CAMSAP2: variants seen among roughly 807,000 people sequenced by gnomAD.
The protein encoded by CAMSAP2 is calmodulin regulated spectrin associated protein family member 2, also known as calmodulin-regulated spectrin-associated protein 2.
A neutral mutation model predicts 146.1 loss-of-function variants in CAMSAP2; 26 were observed. The observed-to-expected ratio is 0.18, with a 90% confidence interval of 0.13 to 0.25. The LOEUF (loss-of-function observed/expected upper bound fraction) is 0.25, where lower values mean the gene tolerates loss of function less well. Among genes scored for constraint, CAMSAP2 ranks in the 10% least tolerant of loss-of-function variants. The pLI is 1.00. For missense variants in CAMSAP2, 1,381 were observed against 1,759.3 expected (o/e 0.78, Z 3.85); for synonymous variants, 499 against 596.6 (o/e 0.84, Z 2.38).
chr1:200,824,304 T>C (rs1256581554), intron 4 of CAMSAP2, among the ~76,000 whole-genome samples: 1 of 152,058 alleles, frequency 6.6e-6, no homozygotes, highest in South Asian at 2.1e-4. Context: ...CATTTTGTAG[T>C]TTCCTTGCCA....
At chr1:200,781,840 A>T (rs950014862) in intron 2 of CAMSAP2, among the ~76,000 whole-genome samples, 4 of 152,126 alleles carry the variant, frequency 2.6e-5, no homozygotes, top group Admixed American at 6.6e-5. Flanking sequence ...CACTGCCTGT[A>T]ATCTCATGAT....
At chr1:200,811,331 TGA>T (rs1473752017) in intron 3 of CAMSAP2, among the ~76,000 whole-genome samples, 1 of 152,138 alleles carries the variant, frequency 6.6e-6, no homozygotes, top group Non-Finnish European at 1.5e-5. Flanking sequence ...AGCCAAGAGT[TGA>T]GGGAAGTTTA....
chr1:200,849,371 T>G lies in CAMSAP2; in HGVS notation c.2602T>G (p.Ser868Ala). 1 of 1,614,018 alleles carries G rather than the reference T, an allele frequency of 6.2e-7. No individual in the cohort carries two copies. Among genetic ancestry groups the G allele is most frequent in the African/African-American group, 1.3e-5 (1 of 74,988 alleles). Residue 868 changes from serine to alanine, a missense_variant, in exon 11 of 17, where the codon TCA (serine) becomes GCA (alanine). Ser to Ala is a moderately conservative substitution (Grantham distance 99, BLOSUM62 1). This residue lies in a region of CAMSAP2 where 560 missense variants were observed against 715.9 expected (regional missense o/e 0.78). Transcript: ENST00000358823. The surrounding 1 kb of genome is among the most constrained non-coding windows in gnomAD (Gnocchi z 6.3). ...GAAGCAGTGGAACCTGGCAAGCCCCTCAGAAGAAACTTTAAATGAAGGAGA... is the reference window on the plus strand; with the variant it reads ...GAAGCAGTGGAACCTGGCAAGCCCCGCAGAAGAAACTTTAAATGAAGGAGA... ...PEKQWNLASP[S>A]EETLNEGEIL...
intron 2 of CAMSAP2, among the ~76,000 whole-genome samples, chr1:200,797,622 G>T (rs1665922045): frequency 1.1e-5 from 1 of 92,008 alleles, no homozygotes; most frequent in Non-Finnish European, 2.2e-5. Flanking sequence ...TTTGTAGGTT[G>T]CCTGTTCACT....
chr1:200,777,351 T>A (rs910898419), intron 2 of CAMSAP2, among the ~76,000 whole-genome samples: 12 of 152,212 alleles, frequency 7.9e-5, no homozygotes, highest in Non-Finnish European at 1.8e-4. Flanking sequence ...TTAGACTTTT[T>A]CATTTTTTGT....
intron 4 of CAMSAP2, among the ~76,000 whole-genome samples, chr1:200,817,787 T>C (rs796502747): frequency 5.3e-5 from 8 of 152,368 alleles, no homozygotes; most frequent in African/African-American, 1.9e-4. Context: ...TTCCCCCATT[T>C]GGTTAACTGA....
chr1:200,810,860 G>A (rs1313178574), intron 3 of CAMSAP2, among the ~76,000 whole-genome samples: 1 of 152,072 alleles, frequency 6.6e-6, no homozygotes, highest in Non-Finnish European at 1.5e-5. Context: ...CTGCACACCA[G>A]CCTGGGCAAC....
intron 13 of CAMSAP2, 22 bp from the exon 14 acceptor site, chr1:200,854,795 T>C (rs1667706984): frequency 6.3e-7 from 1 of 1,596,752 alleles, no homozygotes; most frequent in Non-Finnish European, 8.6e-7. Flanking sequence ...TTCAGGATCA[T>C]GAATTTATCG....
Position 200,760,947 on chromosome 1 carries a change from G to T in CAMSAP2, c.248G>T (p.Arg83Leu). 6.2e-7 allele frequency: 1 copy of T among 1,614,074 alleles called. No individual in the cohort carries two copies. The highest frequency in any genetic ancestry group is 8.5e-7 in the Non-Finnish European group (1 of 1,180,020). The change falls in exon 2 of 17, where the codon CGT (arginine) becomes CTT (leucine). Residue 83 changes from arginine to leucine, a missense_variant. Physicochemically the swap from Arg to Leu is moderately radical, Grantham distance 102. Coordinates refer to ENST00000358823, the MANE Select transcript of CAMSAP2 (RefSeq NM_203459.4). Reference protein sequence around the residue: ...NLLLSAELYCRAGSLILKSDA... With the variant: ...NLLLSAELYCLAGSLILKSDA... ...CTTCTATCGGCTGAACTATACTGTC[G>T]TGCTGGGAGTCTCATTCTCAAGAGT...
intron 4 of CAMSAP2, among the ~76,000 whole-genome samples, chr1:200,824,854 C>G (rs1666864402): frequency 6.6e-6 from 1 of 152,100 alleles, no homozygotes; most frequent in African/African-American, 2.4e-5. Context: ...TGGCATGCGC[C>G]CGTAATCCCA....
intron 2 of CAMSAP2, among the ~76,000 whole-genome samples, chr1:200,775,527 C>G (rs1204053226): frequency 6.6e-6 from 1 of 151,672 alleles, no homozygotes; most frequent in African/African-American, 2.4e-5. Flanking sequence ...ATATCCGAGG[C>G]TTTTTTGTTG....
intron 11 of CAMSAP2, among the ~76,000 whole-genome samples, chr1:200,851,789 A>T (rs1458034512): frequency 6.6e-6 from 1 of 152,168 alleles, no homozygotes; most frequent in East Asian, 1.9e-4. Context: ...ATGTTTATTG[A>T]ATTAAGCATT....
chr1:200,769,086 A>G (rs1194470919), intron 2 of CAMSAP2, among the ~76,000 whole-genome samples: 1 of 152,198 alleles, frequency 6.6e-6, no homozygotes, highest in Non-Finnish European at 1.5e-5. Context: ...ATTAATTAGT[A>G]GTTAACTACT....
At chr1:200,821,268 G>A (rs1666755724) in intron 4 of CAMSAP2, among the ~76,000 whole-genome samples, 1 of 149,388 alleles carries the variant, frequency 6.7e-6, no homozygotes. Context: ...CTGCAGCCTT[G>A]ATCTCCTGGG....
chr1:200,810,619 T>TG (rs1666304604), intron 3 of CAMSAP2, among the ~76,000 whole-genome samples: 1 of 149,656 alleles, frequency 6.7e-6, no homozygotes, highest in Non-Finnish European at 1.5e-5. Context: ...CTGGGGGCGG[T>TG]GACTCACGTC....
rs1664086480 is a variant in CAMSAP2 at position 200,739,613 on chromosome 1, G to C, written c.-215G>C. Reference sequence around the variant, plus strand: ...GGAGACGGCGCCGCCACATTCCTATGCCCGGGAGCGGCGGCGGCGGCGGCG... The same window carrying C: ...GGAGACGGCGCCGCCACATTCCTATCCCCGGGAGCGGCGGCGGCGGCGGCG... On this transcript the variant is annotated 5_prime_UTR_variant, in exon 1 of 17. The change abolishes an upstream ATG in the 5' untranslated region. Transcript: ENST00000358823. This position sits in a 1 kb window ranked among gnomAD's most constrained non-coding sequence, Gnocchi z 4.8. 3.4e-6 allele frequency: 1 copy of C among 294,836 alleles called. No individual in the cohort carries two copies. The highest frequency in any genetic ancestry group is 2.3e-5 in the African/African-American group (1 of 43,388). 18.3% of individuals were successfully genotyped at this position (294,836 alleles called of 1,614,324 possible).
chr1:200,819,593 C>T (rs1666694199), intron 4 of CAMSAP2, among the ~76,000 whole-genome samples: 1 of 152,040 alleles, frequency 6.6e-6, no homozygotes, highest in South Asian at 2.1e-4. Context: ...ATGACCTTTA[C>T]AAAGGCACTT....
At position 200,739,950 on chromosome 1, in the gene CAMSAP2, C is replaced by G. The variant is rs1664107887; in HGVS notation, c.123C>G (p.Ala41=). 3 of 1,614,038 alleles carry G rather than the reference C, an allele frequency of 1.9e-6. No homozygotes were observed. The highest frequency in any genetic ancestry group is 2.5e-6 in the Non-Finnish European group (3 of 1,180,000). Residue 41 remains alanine (A), a synonymous_variant, in exon 1 of 17, where the codon GCC becomes GCG. Transcript: ENST00000358823. This position sits in a 1 kb window ranked among gnomAD's most constrained non-coding sequence, Gnocchi z 4.8. ...KIACNLAWLV[A]KAFGTENVPE... ...CCTGCAATCTGGCCTGGCTGGTGGC[C>G]AAAGCCTTTGGGACAGGTTAGTGGT...
intron 2 of CAMSAP2, among the ~76,000 whole-genome samples, chr1:200,776,662 TGCAGTGA>T (rs1263088046): frequency 1.3e-5 from 2 of 152,024 alleles, no homozygotes; most frequent in African/African-American, 4.8e-5. Context: ...AGGTGGAGGT[TGCAGTGA>T]GCCGAGATTG....
Sources: allele counts gnomAD v4.1 joint callset (sites outside exome capture counted in the v4.1 genomes callset), GRCh38; gene constraint gnomAD v4.1.1; regional missense constraint gnomAD v4.1.1; non-coding constraint Gnocchi (gnomAD v3.1); transcripts MANE v1.5; gene names NCBI Gene and HGNC (gene_info 2026-07-23, HGNC 2026-07-21).